FCHSD2: variants seen among roughly 807,000 people sequenced by gnomAD.
FCHSD2 encodes the protein FCH and double SH3 domains 2, also known as F-BAR and double SH3 domains protein 2.
A neutral mutation model predicts 108.1 loss-of-function variants in FCHSD2; 38 were observed. That is an observed-to-expected ratio of 0.35 (90% confidence interval 0.27 to 0.46). The LOEUF (loss-of-function observed/expected upper bound fraction) is 0.46, where lower values mean the gene tolerates loss of function less well. FCHSD2 is among the 20% of genes least tolerant of loss of function. The pLI is 1.00. For synonymous variants in FCHSD2, 279 were observed against 314.7 expected, an observed-to-expected ratio of 0.89 and a Z score of 1.20; for missense variants, 751 against 897.8, an observed-to-expected ratio of 0.84 and a Z score of 2.09.
chr11:73,024,908 C>G (rs1288880616), intron 3 of FCHSD2, among the ~76,000 whole-genome samples: 3 of 152,052 alleles, frequency 2.0e-5, no homozygotes, highest in Non-Finnish European at 2.9e-5. Flanking sequence ...TATCACTGAT[C>G]ATTAGAAAAA....
intron 10 of FCHSD2, chr11:72,900,299 A>C (rs1210225976): frequency 6.5e-7 from 1 of 1,549,914 alleles, no homozygotes; most frequent in Non-Finnish European, 8.7e-7. Flanking sequence ...GGGAGAGCTC[A>C]ATATCCACCA....
chr11:72,932,088 T>C (rs1373500728), intron 8 of FCHSD2, among the ~76,000 whole-genome samples: 1 of 152,232 alleles, frequency 6.6e-6, no homozygotes, highest in Non-Finnish European at 1.5e-5. Flanking sequence ...CTTGCCAACC[T>C]GTGGCAGAAA....
At chr11:72,882,889 T>G (rs895849794) in intron 12 of FCHSD2, among the ~76,000 whole-genome samples, 2 of 152,196 alleles carry the variant, frequency 1.3e-5, no homozygotes, top group African/African-American at 4.8e-5. Flanking sequence ...AAAACAAGAA[T>G]AGTGTTGGAG....
chr11:72,845,394 C>T (rs1191673949), intron 14 of FCHSD2, among the ~76,000 whole-genome samples: 1 of 143,604 alleles, frequency 7.0e-6, no homozygotes, highest in African/African-American at 2.6e-5. Context: ...GCCGAGATCA[C>T]ACCACTGCAC....
intron 2 of FCHSD2, among the ~76,000 whole-genome samples, chr11:73,103,544 T>C (rs1444344322): frequency 2.6e-5 from 4 of 152,216 alleles, no homozygotes; most frequent in Non-Finnish European, 2.9e-5. Context: ...CTATATTACA[T>C]TGAATATATC....
intron 4 of FCHSD2, among the ~76,000 whole-genome samples, chr11:73,006,115 A>T (rs928649042): frequency 2.0e-5 from 3 of 151,744 alleles, no homozygotes; most frequent in African/African-American, 4.8e-5. Context: ...TTTGTTGCTT[A>T]ATCTGCATCT....
chr11:73,081,925 G>A (rs745661517), intron 3 of FCHSD2, among the ~76,000 whole-genome samples: 42 of 152,186 alleles, frequency 2.8e-4, no homozygotes, highest in Non-Finnish European at 4.6e-4. Context: ...ATTCAAGATC[G>A]GGCGCGGTGA....
chr11:73,124,793 A>G (rs1252119423), intron 2 of FCHSD2, among the ~76,000 whole-genome samples: 3 of 152,054 alleles, frequency 2.0e-5, no homozygotes, highest in Admixed American at 6.6e-5. Flanking sequence ...GAAGTTTCCC[A>G]GGTTTCATGA....
At chr11:73,126,582 T>C (rs896658063) in intron 2 of FCHSD2, among the ~76,000 whole-genome samples, 2 of 152,138 alleles carry the variant, frequency 1.3e-5, no homozygotes, top group Admixed American at 1.3e-4. Flanking sequence ...AATGGCATTT[T>C]AGCATCAACT....
intron 12 of FCHSD2, among the ~76,000 whole-genome samples, chr11:72,871,955 T>C (rs1315754314): frequency 6.6e-6 from 1 of 152,090 alleles, no homozygotes; most frequent in Non-Finnish European, 1.5e-5. Flanking sequence ...AAACAATTTA[T>C]GTTCTGACTT....
chr11:73,101,784 C>T (rs1860232496), intron 2 of FCHSD2, among the ~76,000 whole-genome samples: 1 of 151,898 alleles, frequency 6.6e-6, no homozygotes, highest in Admixed American at 6.6e-5. Flanking sequence ...AATAAAAACA[C>T]TGATACCTAT....
intron 3 of FCHSD2, among the ~76,000 whole-genome samples, chr11:73,049,932 A>T (rs942554919): frequency 1.3e-5 from 2 of 152,198 alleles, no homozygotes; most frequent in African/African-American, 4.8e-5. Context: ...AAGGTTTCTT[A>T]AAAAAGTTTT....
In FCHSD2 at chr11:72,923,621, C is replaced by T. The variant is rs576955529; in HGVS notation, c.706-1671G>A. On this transcript the variant is annotated intron_variant, in intron 8 of 19. Coordinates refer to ENST00000409418, the MANE Select transcript of FCHSD2 (RefSeq NM_014824.3). ...TTGTATATCTTCTTTGGTGAAAAGCCTACTCAAGTCCTTAACTCATTTTTA... is the reference window on the plus strand; with the variant it reads ...TTGTATATCTTCTTTGGTGAAAAGCTTACTCAAGTCCTTAACTCATTTTTA... 4.6e-5 allele frequency among the ~76,000 whole-genome samples: 7 copies of T among 152,200 alleles called. No homozygotes were observed. The East Asian group carries it at 1.4e-3, about 29-fold the overall frequency.
At chr11:73,064,656 T>C (rs1028203603) in intron 3 of FCHSD2, among the ~76,000 whole-genome samples, 1 of 151,958 alleles carries the variant, frequency 6.6e-6, no homozygotes. Flanking sequence ...AGTGGTGATA[T>C]CCTGTGGGAT....
chr11:72,867,622 AT>A (rs1854756502), intron 13 of FCHSD2, among the ~76,000 whole-genome samples: 2 of 152,204 alleles, frequency 1.3e-5, no homozygotes, highest in Non-Finnish European at 2.9e-5. Flanking sequence ...GTAGATAGGC[AT>A]CGATAACCCA....
rs372332271 is a variant in FCHSD2 at position 72,840,975 on chromosome 11, A to G, written c.2057-16T>C. 1.3e-6 allele frequency: 2 copies of G among 1,593,978 alleles called. No individual in the cohort carries two copies. Among genetic ancestry groups the G allele is most frequent in the Middle Eastern group, 1.7e-4 (1 of 6,044 alleles). ...AGGCTTTTTTCTAAGGGAGAAAACC[A>G]AAGAAGCTCATTTTACTTGAGTTGT... On this transcript the variant is annotated splice_polypyrimidine_tract_variant and intron_variant, in intron 18 of 19. Coordinates refer to ENST00000409418, the MANE Select transcript of FCHSD2 (RefSeq NM_014824.3).
At chr11:72,910,300 C>T (rs368443132) in intron 9 of FCHSD2, among the ~76,000 whole-genome samples, 11 of 152,316 alleles carry the variant, frequency 7.2e-5, no homozygotes, top group Admixed American at 2.6e-4. Context: ...CCGGCCGCCC[C>T]GTCTGGGAGG....
intron 8 of FCHSD2, among the ~76,000 whole-genome samples, chr11:72,939,954 A>T (rs1344944216): frequency 6.6e-6 from 1 of 152,128 alleles, no homozygotes; most frequent in Non-Finnish European, 1.5e-5. Flanking sequence ...GTAAAGTTCC[A>T]GGGAGTTTCT....
intron 8 of FCHSD2, among the ~76,000 whole-genome samples, chr11:72,966,167 C>CT (rs1240037908): frequency 0.03 from 4,192 of 139,288 alleles, 195 homozygotes; most frequent in Admixed American, 0.1. Context: ...TGAACTGAGC[C>CT]TTTTTTTTTT....
Sources: gnomAD v4.1 joint callset for allele counts (sites outside exome capture counted in the v4.1 genomes callset) on GRCh38, gnomAD v4.1.1 for gene constraint, MANE v1.5 for transcripts, NCBI Gene and HGNC (gene_info 2026-07-23, HGNC 2026-07-21) for gene names.